C12orf56: variants seen among roughly 807,000 people sequenced by gnomAD.
C12orf56 encodes uncharacterized protein C12orf56.
In C12orf56, 71 loss-of-function variants were observed where a neutral mutation model predicts 69.9. The observed-to-expected ratio is 1.02, with a 90% CI of 0.84 to 1.24. The LOEUF (loss-of-function observed/expected upper bound fraction) is 1.24, where lower values mean the gene tolerates loss of function less well. Among genes scored for constraint, C12orf56 ranks in the 50% most tolerant of loss-of-function variants. C12orf56 has a pLI of 0.00. For missense variants in C12orf56, 732 were observed against 738.5 expected (o/e 0.99, Z 0.10); for synonymous variants, 276 against 274.1 (o/e 1.01, Z -0.07).
intron 2 of C12orf56, among the ~76,000 whole-genome samples, chr12:64,346,906 G>A (rs1008902233): frequency 9.9e-5 from 15 of 152,076 alleles, no homozygotes; most frequent in Admixed American, 9.2e-4. Flanking sequence ...TTAAGACACG[G>A]TCTGAAAAAG....
intron 1 of C12orf56, among the ~76,000 whole-genome samples, chr12:64,383,644 G>C (rs2135987839): frequency 6.6e-6 from 1 of 152,014 alleles, no homozygotes; most frequent in Non-Finnish European, 1.5e-5. Flanking sequence ...CCAAGTGCTG[G>C]GATTACAGGC....
chr12:64,303,542 C>G, intron 6 of C12orf56, 93 bp downstream of exon 6: 1 of 1,067,440 alleles, frequency 9.4e-7, no homozygotes, highest in Non-Finnish European at 1.3e-6. Flanking sequence ...CATCAGAATA[C>G]AAGACAACTC....
At chr12:64,378,063 A>C (rs1327486616) in intron 1 of C12orf56, among the ~76,000 whole-genome samples, 1 of 152,232 alleles carries the variant, frequency 6.6e-6, no homozygotes, top group Admixed American at 6.5e-5. Flanking sequence ...ATGAGGATGA[A>C]GTTCCAAGCT....
chr12:64,385,186 C>G (rs1397355884), intron 1 of C12orf56, among the ~76,000 whole-genome samples: 1 of 152,122 alleles, frequency 6.6e-6, no homozygotes, highest in Non-Finnish European at 1.5e-5. Context: ...AAATATCCGC[C>G]CAAGTAACTT....
At chr12:64,353,305 G>A (rs964369038) in intron 1 of C12orf56, among the ~76,000 whole-genome samples, 3 of 151,786 alleles carry the variant, frequency 2.0e-5, no homozygotes, top group Middle Eastern at 3.4e-3. Context: ...TTACAGACAT[G>A]AGCCACCACA....
At chr12:64,316,982 G>A (rs2038698511) in intron 4 of C12orf56, among the ~76,000 whole-genome samples, 1 of 152,046 alleles carries the variant, frequency 6.6e-6, no homozygotes, top group African/African-American at 2.4e-5. Context: ...GGCAATTCAG[G>A]GAAGCATAAA....
intron 2 of C12orf56, among the ~76,000 whole-genome samples, chr12:64,348,358 T>G (rs2039175451): frequency 6.6e-6 from 1 of 152,214 alleles, no homozygotes; most frequent in African/African-American, 2.4e-5. Context: ...AAGGTACTCT[T>G]AAGGCACTAA....
intron 2 of C12orf56, among the ~76,000 whole-genome samples, chr12:64,344,532 T>G (rs1294144739): frequency 6.6e-6 from 1 of 152,228 alleles, no homozygotes; most frequent in African/African-American, 2.4e-5. Context: ...ATGGTAACTA[T>G]GCCCACCTTG....
chr12:64,335,053 G>C (rs2038976192), intron 2 of C12orf56, among the ~76,000 whole-genome samples: 1 of 152,180 alleles, frequency 6.6e-6, no homozygotes, highest in South Asian at 2.1e-4. Context: ...ATTGCCAAAA[G>C]TTCTGTTGGG....
At chr12:64,367,387 A>T (rs1425066716) in intron 1 of C12orf56, among the ~76,000 whole-genome samples, 4 of 146,930 alleles carry the variant, frequency 2.7e-5, no homozygotes, top group Non-Finnish European at 4.5e-5. Context: ...ATATATACAA[A>T]TATAAAGAAA....
chr12:64,344,835 A>C (rs1275292987), intron 2 of C12orf56, among the ~76,000 whole-genome samples: 6 of 151,734 alleles, frequency 4.0e-5, no homozygotes, highest in Admixed American at 3.9e-4. Context: ...GCCTTCCCCT[A>C]CATTAAACCA....
rs974642313 is a variant in C12orf56 at position 64,283,638 on chromosome 12, TTCTCTC to T, written c.1310+1020_1310+1025del. Among the ~76,000 whole-genome samples the T allele has an allele frequency of 4.4e-3, 657 of 150,374 alleles. 5 individuals carry two copies. The highest frequency in any genetic ancestry group is 0.015 in the African/African-American group (616 of 40,386). On this transcript the variant is annotated intron_variant, in intron 8 of 12. Coordinates refer to ENST00000543942, the MANE Select transcript of C12orf56 (RefSeq NM_001170633.2). The stretch of plus-strand genomic sequence containing the variant: ...AAAAGGAAGCTTGTTTGCCCTCTGC[TTCTCTC>T]TCTTTTTTTTTTTTTTCTTTTTTAA...
chr12:64,268,839 A>T (rs2037944437), intron 12 of C12orf56, among the ~76,000 whole-genome samples: 1 of 152,118 alleles, frequency 6.6e-6, no homozygotes. Flanking sequence ...ACCTCATGGA[A>T]GACAAAAAGT....
intron 1 of C12orf56, among the ~76,000 whole-genome samples, chr12:64,388,058 C>T (rs530516796): frequency 1.3e-5 from 2 of 152,090 alleles, no homozygotes; most frequent in Non-Finnish European, 2.9e-5. Context: ...CAACCTCTGT[C>T]TCCCTGGCTC....
intron 6 of C12orf56, among the ~76,000 whole-genome samples, chr12:64,300,396 A>C (rs2038428022): frequency 6.6e-6 from 1 of 152,146 alleles, no homozygotes. Flanking sequence ...GAAGATGCTT[A>C]AATGACCTCC....
At chr12:64,371,736 A>G (rs1407960444) in intron 1 of C12orf56, among the ~76,000 whole-genome samples, 1 of 151,902 alleles carries the variant, frequency 6.6e-6, no homozygotes, top group African/African-American at 2.4e-5. Context: ...AGGCCGAGGC[A>G]GGAGAATTGC....
chr12:64,307,846 A>AT (rs1400352134), intron 5 of C12orf56, among the ~76,000 whole-genome samples: 3 of 151,880 alleles, frequency 2.0e-5, no homozygotes, highest in Non-Finnish European at 4.4e-5. Context: ...CAATAAATAA[A>AT]TAAATAAATT....
intron 11 of C12orf56, among the ~76,000 whole-genome samples, chr12:64,272,867 TG>T (rs1258338537): frequency 6.6e-6 from 1 of 152,208 alleles, no homozygotes; most frequent in African/African-American, 2.4e-5. Flanking sequence ...ATGTACCCTC[TG>T]GCCCCAGCCA....
chr12:64,365,926 T>C (rs12229300), intron 1 of C12orf56, among the ~76,000 whole-genome samples: 15,220 of 129,104 alleles, frequency 0.12, 1,038 homozygotes, highest in East Asian at 0.35. Flanking sequence ...ATATATTATA[T>C]ATTATGTATA....
Sources: allele counts gnomAD v4.1 joint callset (sites outside exome capture counted in the v4.1 genomes callset), GRCh38; gene constraint gnomAD v4.1.1; transcripts MANE v1.5; gene names NCBI Gene and HGNC (gene_info 2026-07-23, HGNC 2026-07-21).